Variants in CSMD3 observed in about 807,000 individuals in gnomAD.
CSMD3 encodes the protein CUB and sushi domain-containing protein 3.
CSMD3 carries 177 observed loss-of-function variants against 435.2 expected under a neutral mutation model. The observed-to-expected ratio is 0.41, with a 90% CI of 0.36 to 0.46. CSMD3 has a LOEUF of 0.46. Among genes scored for constraint, CSMD3 ranks in the 20% least tolerant of loss-of-function variants. The pLI, the probability that CSMD3 is intolerant of heterozygous loss-of-function variation, is 0.34. For missense variants in CSMD3, 4,265 were observed against 4,504.6 expected, an observed-to-expected ratio of 0.95 and a Z score of 1.52; for synonymous variants, 1,656 against 1,520.5, an observed-to-expected ratio of 1.09 and a Z score of -2.07.
chr8:113,328,535 T>C (rs922546579), intron 1 of CSMD3, among the ~76,000 whole-genome samples: 1 of 151,458 alleles, frequency 6.6e-6, no homozygotes, highest in African/African-American at 2.4e-5. Flanking sequence ...GAAGCTAGGA[T>C]AGCCATGCAC....
At chr8:112,981,571 G>T (rs2085054730) in intron 6 of CSMD3, among the ~76,000 whole-genome samples, 1 of 151,474 alleles carries the variant, frequency 6.6e-6, no homozygotes, top group Non-Finnish European at 1.5e-5. Context: ...TATGCAAAAT[G>T]AATGAATAAA....
rs775186871 is a variant in CSMD3, at chr8:113,386,566, TGTCA to T, written c.178+50107_178+50110del. Among the ~76,000 whole-genome samples, 85 of 151,936 alleles carry T rather than the reference TGTCA, an allele frequency of 5.6e-4. 2 individuals carry two copies. Among genetic ancestry groups the T allele is most frequent in the Admixed American group, 1.3e-3 (20 of 15,222 alleles). On this transcript the variant is annotated intron_variant, in intron 1 of 70. Coordinates refer to ENST00000297405, the MANE Select transcript of CSMD3 (RefSeq NM_198123.2). ...TAGAATTGATCTCTCTCTCTCTCTC[TGTCA>T]GTGTATTTTTAAAAAATCATATTTC...
At chr8:113,350,814 T>C (rs2132909756) in intron 1 of CSMD3, among the ~76,000 whole-genome samples, 1 of 152,286 alleles carries the variant, frequency 6.6e-6, no homozygotes. Flanking sequence ...CTCTGTGATT[T>C]GACTTCTGAT....
intron 13 of CSMD3, among the ~76,000 whole-genome samples, chr8:112,797,338 T>C (rs879752234): frequency 1.3e-5 from 2 of 151,902 alleles, no homozygotes; most frequent in Non-Finnish European, 2.9e-5. Context: ...AGCCCAGCTT[T>C]TAATCTTTTT....
intron 52 of CSMD3, among the ~76,000 whole-genome samples, chr8:112,303,076 T>G (rs1414507864): frequency 1.3e-5 from 2 of 152,112 alleles, no homozygotes; most frequent in African/African-American, 4.8e-5. Context: ...GAATCAAACA[T>G]TTGTTGAAAA....
At chr8:112,777,344 T>C (rs977688811) in intron 13 of CSMD3, among the ~76,000 whole-genome samples, 2 of 151,858 alleles carry the variant, frequency 1.3e-5, no homozygotes, top group African/African-American at 4.8e-5. Context: ...GCTTGTGTTG[T>C]TTGAATTTTT....
At chr8:113,025,060 CT>C (rs1165888084) in intron 5 of CSMD3, among the ~76,000 whole-genome samples, 7 of 151,224 alleles carry the variant, frequency 4.6e-5, no homozygotes, top group South Asian at 2.1e-4. Flanking sequence ...TATATTATTT[CT>C]TTTTTTTTAA....
intron 7 of CSMD3, among the ~76,000 whole-genome samples, chr8:112,960,383 T>C (rs2084182588): frequency 6.6e-6 from 1 of 151,900 alleles, no homozygotes; most frequent in South Asian, 2.1e-4. Context: ...GATTTACTAC[T>C]GTATTAATAA....
rs2130677769 is a variant in CSMD3, at chr8:112,291,611, A to G, written c.8873T>C (p.Val2958Ala). ...IEHGNFTYGT[V>A]VFYDCNPGYF... The stretch of plus-strand genomic sequence containing the variant: ...TCCAGGATTGCAGTCATAGAATACC[A>G]CAGTGCCGTAAGTAAAATTTCCATG... The change falls in exon 56 of 71, where the codon GTG becomes GCG. Residue 2958 changes from valine to alanine, a missense_variant. This residue lies in a region of CSMD3 where 3,255 missense variants were observed against 3,380.2 expected (regional missense o/e 0.96). Coordinates refer to ENST00000297405, the MANE Select transcript of CSMD3 (RefSeq NM_198123.2). 6.2e-7 allele frequency: 1 copy of G among 1,610,636 alleles called. No homozygotes were observed. Among genetic ancestry groups the G allele is most frequent in the Admixed American group, 1.7e-5 (1 of 59,932 alleles).
At chr8:112,306,956 G>A (rs1821479921) in intron 50 of CSMD3, among the ~76,000 whole-genome samples, 1 of 151,514 alleles carries the variant, frequency 6.6e-6, no homozygotes, top group African/African-American at 2.4e-5. Flanking sequence ...AATTTTAAAA[G>A]GCTACAGAAA....
intron 13 of CSMD3, among the ~76,000 whole-genome samples, chr8:112,785,356 A>G (rs2078510142): frequency 6.6e-6 from 1 of 152,082 alleles, no homozygotes; most frequent in Non-Finnish European, 1.5e-5. Context: ...GAGCAAGTCA[A>G]GGATACCCAC....
chr8:112,770,199 C>T (rs2132190928), intron 13 of CSMD3, among the ~76,000 whole-genome samples: 1 of 152,038 alleles, frequency 6.6e-6, no homozygotes, highest in South Asian at 2.1e-4. Flanking sequence ...AATGTTTGTC[C>T]ACCTCCAGAA....
chr8:113,156,415 T>C (rs1384247718), intron 4 of CSMD3, among the ~76,000 whole-genome samples: 1 of 152,068 alleles, frequency 6.6e-6, no homozygotes, highest in Non-Finnish European at 1.5e-5. Context: ...TCTGTCTTCT[T>C]TACCAGACTA....
In CSMD3 at chr8:113,228,737, A is replaced by T. The variant is rs528663490; in HGVS notation, c.514+49855T>A. On this transcript the variant is annotated intron_variant, in intron 3 of 70. Coordinates refer to ENST00000297405, the MANE Select transcript of CSMD3 (RefSeq NM_198123.2). ...CGAAAGAGTGTGAAAATATGAAAGG[A>T]ACCCCTGCTAAGTATTTCATACTTA... 2.0e-5 allele frequency among the ~76,000 whole-genome samples: 3 copies of T among 151,708 alleles called. No individual in the cohort carries two copies. The South Asian group carries it at 6.2e-4, about 31-fold the overall frequency.
intron 13 of CSMD3, among the ~76,000 whole-genome samples, chr8:112,731,941 C>G (rs1432732428): frequency 1.3e-5 from 2 of 151,982 alleles, no homozygotes; most frequent in East Asian, 3.9e-4. Flanking sequence ...TCCAGACAGG[C>G]AAAAATGTAT....
At chr8:112,727,784 A>G (rs1047822283) in intron 13 of CSMD3, among the ~76,000 whole-genome samples, 3 of 151,878 alleles carry the variant, frequency 2.0e-5, no homozygotes, top group Admixed American at 6.6e-5. Flanking sequence ...CTTATTCAAA[A>G]TGAAGTGGAA....
intron 5 of CSMD3, among the ~76,000 whole-genome samples, chr8:113,089,109 G>A (rs1223486754): frequency 1.3e-5 from 2 of 151,954 alleles, no homozygotes; most frequent in Non-Finnish European, 2.9e-5. Flanking sequence ...AGTGAACCAT[G>A]GACTAAAGCA....
At chr8:112,936,666 A>G (rs903505239) in intron 9 of CSMD3, among the ~76,000 whole-genome samples, 1 of 152,132 alleles carries the variant, frequency 6.6e-6, no homozygotes, top group Non-Finnish European at 1.5e-5. Context: ...TCACTTTTAT[A>G]GAACTGAAAT....
rs148055576 is a variant in CSMD3, at chr8:112,953,399, T to C, written c.1420+1285A>G. Among the ~76,000 whole-genome samples the C allele has an allele frequency of 4.8e-3, 721 of 151,514 alleles. 5 individuals are homozygous for C. The highest frequency in any genetic ancestry group is 0.015 in the African/African-American group (634 of 41,492). ...AAAGTCATATTGTAGCATTGCTTAT[T>C]TTCCTTAAAAACTAACAGTATCAAT... On this transcript the variant is annotated intron_variant, in intron 8 of 70. Coordinates refer to ENST00000297405, the MANE Select transcript of CSMD3 (RefSeq NM_198123.2).
Sources: gnomAD v4.1 joint callset for allele counts (sites outside exome capture counted in the v4.1 genomes callset) on GRCh38, gnomAD v4.1.1 for gene constraint, gnomAD v4.1.1 regional missense constraint, MANE v1.5 for transcripts, NCBI Gene and HGNC (gene_info 2026-07-23, HGNC 2026-07-21) for gene names.